CDC42SE2: variants seen among roughly 807,000 people sequenced by gnomAD.
CDC42SE2 encodes the protein CDC42 small effector 2, also known as CDC42 small effector protein 2.
Under a neutral mutation model 11.5 loss-of-function variants are expected in CDC42SE2, and 3 were observed. The ratio of observed to expected loss-of-function variants is 0.26; its 90% CI spans 0.12 to 0.67. CDC42SE2 has a LOEUF of 0.67. Ranked by LOEUF, CDC42SE2 falls within the 30% of genes least tolerant of loss-of-function variation. CDC42SE2 has a pLI of 0.80. For synonymous variants in CDC42SE2, 33 were observed against 34.8 expected (o/e 0.95, Z 0.18); for missense variants, 82 against 106.8 (o/e 0.77, Z 1.02).
chr5:131,290,854 C>T (rs1304741550), intron 1 of CDC42SE2, among the ~76,000 whole-genome samples: 1 of 151,834 alleles, frequency 6.6e-6, no homozygotes, highest in Non-Finnish European at 1.5e-5. Flanking sequence ...TAATTAGAAC[C>T]TCATGGAAGT....
In CDC42SE2 at chr5:131,319,819, AG is replaced by A. The variant is rs1307713441; in HGVS notation, c.-286+3677del. Among the ~76,000 whole-genome samples the A allele has an allele frequency of 2.6e-5, 4 of 152,234 alleles. No homozygotes were observed. In the East Asian group the frequency reaches 7.7e-4, roughly 29 times the overall value. ...GTAATCCCAGCACTTTGGGAGGCCG[AG>A]GCAGGCGGATCACGAGGTCAGGAGA... On this transcript the variant is annotated intron_variant, in intron 2 of 4. Transcript: ENST00000505065.
At chr5:131,388,683 A>G (rs552796696) in intron 4 of CDC42SE2, among the ~76,000 whole-genome samples, 45 of 152,362 alleles carry the variant, frequency 3.0e-4, no homozygotes, top group African/African-American at 9.9e-4. Context: ...CATTGTCTCA[A>G]CACTGAAAGA....
chr5:131,302,798 A>C (rs1757710253), intron 1 of CDC42SE2, among the ~76,000 whole-genome samples: 1 of 151,110 alleles, frequency 6.6e-6, no homozygotes, highest in East Asian at 1.9e-4. Flanking sequence ...TACCAGGAGT[A>C]GTCCGTTTTT....
At chr5:131,366,482 G>A (rs1749860872) in intron 3 of CDC42SE2, among the ~76,000 whole-genome samples, 1 of 152,148 alleles carries the variant, frequency 6.6e-6, no homozygotes, top group Admixed American at 6.5e-5. Flanking sequence ...AAATGTCAGA[G>A]AAGAAATTTT....
intron 2 of CDC42SE2, among the ~76,000 whole-genome samples, chr5:131,316,919 C>T (rs1017703364): frequency 6.6e-6 from 1 of 152,068 alleles, no homozygotes; most frequent in South Asian, 2.1e-4. Context: ...TTTTTAGTGT[C>T]GCACACATTT....
intron 1 of CDC42SE2, among the ~76,000 whole-genome samples, chr5:131,254,087 G>A (rs892477341): frequency 3.9e-5 from 6 of 151,984 alleles, no homozygotes; most frequent in South Asian, 2.1e-4. Context: ...CACAACGTGC[G>A]GGTTTGTTAC....
intron 1 of CDC42SE2, among the ~76,000 whole-genome samples, chr5:131,276,223 GA>G (rs1320970312): frequency 6.8e-6 from 1 of 148,066 alleles, no homozygotes; most frequent in East Asian, 2.0e-4. Context: ...GAGGTGAGTG[GA>G]TTGCTTGAGC....
At chr5:131,322,158 T>A (rs959359721) in intron 2 of CDC42SE2, among the ~76,000 whole-genome samples, 11 of 152,052 alleles carry the variant, frequency 7.2e-5, no homozygotes, top group African/African-American at 1.2e-4. Flanking sequence ...CAGAAAAAAA[T>A]TTTTTTTATA....
intron 1 of CDC42SE2, among the ~76,000 whole-genome samples, chr5:131,280,534 T>C (rs1757217351): frequency 6.6e-6 from 1 of 152,316 alleles, no homozygotes; most frequent in East Asian, 1.9e-4. Flanking sequence ...TTAAAAACAA[T>C]GGTGTTTATA....
At chr5:131,358,337 CT>C (rs1749612648) in intron 2 of CDC42SE2, among the ~76,000 whole-genome samples, 1 of 152,128 alleles carries the variant, frequency 6.6e-6, no homozygotes, top group African/African-American at 2.4e-5. Flanking sequence ...TGAAACTGAT[CT>C]TAGGGATGCC....
chr5:131,347,062 A>G (rs903839221), intron 2 of CDC42SE2, among the ~76,000 whole-genome samples: 2 of 152,206 alleles, frequency 1.3e-5, no homozygotes, highest in African/African-American at 4.8e-5. Flanking sequence ...TCTAAAATTG[A>G]CACCCTAACA....
chr5:131,244,610 T>C (rs1756565284), upstream of CDC42SE2, among the ~76,000 whole-genome samples: 1 of 151,806 alleles, frequency 6.6e-6, no homozygotes, highest in African/African-American at 2.4e-5. Context: ...ACTCGGGAGG[T>C]TGAGGCAAGA....
In CDC42SE2 at chr5:131,255,122, C is replaced by T. The variant is rs115120232; in HGVS notation, n.135C>T. ...TTGACAAAGAGTAAAGGAGAATTTG[C>T]TGAAATACTTATTTAAAGTCTAGTA... On this transcript the variant is annotated non_coding_transcript_exon_variant, in exon 2 of 4. Transcript: ENST00000502840. 315 of 152,220 alleles carry T rather than the reference C, an allele frequency of 2.1e-3. 2 individuals are homozygous for T. The highest frequency in any genetic ancestry group is 7.2e-3 in the African/African-American group (298 of 41,536). The allele number at this position is 152,220 out of a possible 1,614,324, so 9.4% of individuals were successfully genotyped here. A position where few individuals can be genotyped will look rare whatever the true frequency, so the allele number is the denominator to read the frequency against.
At chr5:131,335,434 G>T (rs773022585) in intron 2 of CDC42SE2, among the ~76,000 whole-genome samples, 1 of 152,192 alleles carries the variant, frequency 6.6e-6, no homozygotes, top group African/African-American at 2.4e-5. Flanking sequence ...TGAGAAGAAT[G>T]TATATTCTGT....
At chr5:131,223,091 C>A in the CDC42SE2 span, among the ~76,000 whole-genome samples, 2 of 152,204 alleles carry the variant, frequency 1.3e-5, no homozygotes, top group African/African-American at 4.8e-5. Context: ...TTTGACTCAT[C>A]ATCATCCTAT....
intron 4 of CDC42SE2, among the ~76,000 whole-genome samples, chr5:131,386,193 G>C (rs548846753): frequency 6.6e-6 from 1 of 152,318 alleles, no homozygotes; most frequent in African/African-American, 2.4e-5. Flanking sequence ...TTCTCATAAG[G>C]AGTCCACAAC....
chr5:131,361,552 G>A (rs760462893), intron 3 of CDC42SE2, among the ~76,000 whole-genome samples: 4 of 152,082 alleles, frequency 2.6e-5, no homozygotes, highest in Non-Finnish European at 5.9e-5. Context: ...GTGTGTTACA[G>A]GGTGCTTTTT....
At chr5:131,233,668 A>G in the CDC42SE2 span, among the ~76,000 whole-genome samples, 2 of 152,156 alleles carry the variant, frequency 1.3e-5, no homozygotes, top group African/African-American at 4.8e-5. Context: ...TGCCGGCCTA[A>G]AAACAATATT....
intron 1 of CDC42SE2, among the ~76,000 whole-genome samples, chr5:131,286,389 T>TC (rs1757340974): frequency 6.8e-6 from 1 of 147,900 alleles, no homozygotes; most frequent in Non-Finnish European, 1.5e-5. Context: ...TGGCCAGTTT[T>TC]TTTTTTTTTT....
Sources: gnomAD v4.1 joint callset for allele counts (sites outside exome capture counted in the v4.1 genomes callset) on GRCh38, gnomAD v4.1.1 for gene constraint, MANE v1.5 for transcripts, NCBI Gene and HGNC (gene_info 2026-07-23, HGNC 2026-07-21) for gene names.